EXOC6: variants seen among roughly 807,000 people sequenced by gnomAD.
EXOC6 encodes the protein exocyst complex component 6.
EXOC6 carries 60 observed loss-of-function variants against 112.5 expected under a neutral mutation model. The ratio of observed to expected loss-of-function variants is 0.53; its 90% CI spans 0.43 to 0.66. The LOEUF is 0.66. Among genes scored for constraint, EXOC6 ranks in the 30% least tolerant of loss-of-function variants. The pLI, the probability that EXOC6 is intolerant of heterozygous loss-of-function variation, is 0.00. For synonymous variants in EXOC6, 295 were observed against 308.0 expected (o/e 0.96, Z 0.44); for missense variants, 855 against 957.1 (o/e 0.89, Z 1.41).
intron 18 of EXOC6, among the ~76,000 whole-genome samples, chr10:92,989,727 A>G (rs1354555718): frequency 6.6e-6 from 1 of 152,246 alleles, no homozygotes; most frequent in Admixed American, 6.5e-5. Context: ...ATAATTCAAC[A>G]TACAGAAGTG....
intron 14 of EXOC6, among the ~76,000 whole-genome samples, chr10:92,951,880 A>C (rs1853438886): frequency 6.6e-6 from 1 of 152,200 alleles, no homozygotes; most frequent in Non-Finnish European, 1.5e-5. Flanking sequence ...AGAATTATTT[A>C]ATGACTCTGA....
chr10:92,899,756 C>T, intron 5 of EXOC6, 112 bp downstream of exon 5: 1 of 745,852 alleles, frequency 1.3e-6, no homozygotes, highest in Non-Finnish European at 2.2e-6. Context: ...TTCTTCATTA[C>T]ACTAACCTTT....
intron 13 of EXOC6, among the ~76,000 whole-genome samples, chr10:92,946,117 C>T (rs950160413): frequency 5.3e-5 from 8 of 151,206 alleles, no homozygotes; most frequent in African/African-American, 7.3e-5. Flanking sequence ...AGTGGAACCC[C>T]GTCTCTACTA....
intron 20 of EXOC6, among the ~76,000 whole-genome samples, chr10:93,021,438 A>C (rs1241171667): frequency 6.6e-6 from 1 of 152,056 alleles, no homozygotes; most frequent in African/African-American, 2.4e-5. Context: ...TTCTCCTATT[A>C]ATTTGCCTTT....
intron 18 of EXOC6, among the ~76,000 whole-genome samples, chr10:92,987,152 CT>C (rs1244912962): frequency 6.6e-6 from 1 of 152,108 alleles, no homozygotes; most frequent in East Asian, 1.9e-4. Context: ...GGAAGAGCTT[CT>C]TGTTAAATAT....
intron 20 of EXOC6, among the ~76,000 whole-genome samples, chr10:93,016,603 G>C (rs563694110): frequency 9.8e-5 from 15 of 152,302 alleles, no homozygotes; most frequent in African/African-American, 3.6e-4. Context: ...TTCGATATAA[G>C]AAAATCATGT....
chr10:92,936,061 A>G (rs1250871059), intron 12 of EXOC6, among the ~76,000 whole-genome samples, 176 bp downstream of exon 12: 3 of 152,190 alleles, frequency 2.0e-5, no homozygotes, highest in Non-Finnish European at 4.4e-5. Flanking sequence ...TTCCTTTTCA[A>G]TTATGAAGCT....
intron 20 of EXOC6, among the ~76,000 whole-genome samples, chr10:93,052,083 T>C (rs544154879): frequency 6.6e-5 from 10 of 152,182 alleles, no homozygotes; most frequent in Non-Finnish European, 1.3e-4. Context: ...CCTGGGTCAC[T>C]GCCCCTGAGG....
At chr10:92,952,489 TG>T in intron 15 of EXOC6, 107 bp downstream of exon 15, 1 of 733,798 alleles carries the variant, frequency 1.4e-6, no homozygotes, top group Non-Finnish European at 2.4e-6. Flanking sequence ...TTTAGATTCA[TG>T]GGGTACATGT....
At chr10:92,987,386 G>A (rs1843051292) in intron 18 of EXOC6, among the ~76,000 whole-genome samples, 1 of 152,062 alleles carries the variant, frequency 6.6e-6, no homozygotes, top group Non-Finnish European at 1.5e-5. Flanking sequence ...GTTTGGAGGA[G>A]GATTTGTCTA....
chr10:92,846,474 C>T (rs1847056796), upstream of EXOC6, among the ~76,000 whole-genome samples: 1 of 152,154 alleles, frequency 6.6e-6, no homozygotes, highest in Admixed American at 6.5e-5. Flanking sequence ...TAGGTGTGAG[C>T]CACTGTGCTC....
chr10:92,923,240 C>G (rs1161021748), intron 8 of EXOC6, among the ~76,000 whole-genome samples: 2 of 152,154 alleles, frequency 1.3e-5, no homozygotes, highest in African/African-American at 2.4e-5. Context: ...TTGGCTTCCT[C>G]TTGTTCCTTT....
chr10:92,930,820 G>A (rs552077774), intron 9 of EXOC6, among the ~76,000 whole-genome samples: 6 of 152,030 alleles, frequency 3.9e-5, no homozygotes, highest in African/African-American at 1.4e-4. Flanking sequence ...TTTTCAAAAG[G>A]TGTTGTTAAG....
intron 1 of EXOC6, among the ~76,000 whole-genome samples, chr10:92,875,467 G>A (rs1390170156): frequency 6.6e-6 from 1 of 152,110 alleles, no homozygotes; most frequent in Non-Finnish European, 1.5e-5. Flanking sequence ...CTTTGTGTAT[G>A]AATAAGTATG....
At chr10:92,874,768 C>T (rs1848611906) in intron 1 of EXOC6, among the ~76,000 whole-genome samples, 1 of 152,156 alleles carries the variant, frequency 6.6e-6, no homozygotes, top group African/African-American at 2.4e-5. Context: ...AGTGGACAAC[C>T]ATCTTTCTTT....
intron 20 of EXOC6, among the ~76,000 whole-genome samples, chr10:93,037,668 G>C (rs1399686038): frequency 1.3e-5 from 2 of 151,822 alleles, no homozygotes; most frequent in African/African-American, 4.8e-5. Context: ...TCAAACTCCT[G>C]ACATCAGGTG....
chr10:93,047,568 G>T (rs1846056917), intron 20 of EXOC6, among the ~76,000 whole-genome samples: 1 of 151,852 alleles, frequency 6.6e-6, no homozygotes, highest in Admixed American at 6.6e-5. Flanking sequence ...ACAAAAAGAG[G>T]AGAAGAAGAA....
intron 1 of EXOC6, chr10:92,878,195 C>T (rs1366643380): frequency 1.3e-5 from 2 of 152,290 alleles, no homozygotes; most frequent in African/African-American, 4.8e-5. Flanking sequence ...GAAGTTGCTA[C>T]AGTACTGATG....
chr10:93,009,976 CAGATA>C (rs2134220953), intron 19 of EXOC6, among the ~76,000 whole-genome samples: 1 of 152,220 alleles, frequency 6.6e-6, no homozygotes, highest in South Asian at 2.1e-4. Context: ...GCAGGGAGAT[CAGATA>C]GGGTGTGTTT....
Sources: allele counts gnomAD v4.1 joint callset (sites outside exome capture counted in the v4.1 genomes callset), GRCh38; gene constraint gnomAD v4.1.1; transcripts MANE v1.5; gene names NCBI Gene and HGNC (gene_info 2026-07-23, HGNC 2026-07-21).